VRK3: variants seen among roughly 807,000 people sequenced by gnomAD.
VRK3 encodes serine/threonine-protein kinase VRK3.
Under a neutral mutation model 60.4 loss-of-function variants are expected in VRK3, and 50 were observed. That is an observed-to-expected ratio of 0.83 (90% CI 0.66 to 1.05). The LOEUF (loss-of-function observed/expected upper bound fraction) is 1.05, where lower values mean the gene tolerates loss of function less well. Among genes scored for constraint, VRK3 ranks in the 50% least tolerant of loss-of-function variants. The pLI, the probability that VRK3 is intolerant of heterozygous loss-of-function variation, is 0.00. For missense variants in VRK3, 549 were observed against 585.3 expected, an observed-to-expected ratio of 0.94 and a Z score of 0.64; for synonymous variants, 246 against 227.8, an observed-to-expected ratio of 1.08 and a Z score of -0.72.
At chr19:49,996,313 T>TG (rs1442658533) in intron 7 of VRK3, among the ~76,000 whole-genome samples, 1 of 152,050 alleles carries the variant, frequency 6.6e-6, no homozygotes, top group African/African-American at 2.4e-5. Flanking sequence ...GGCCTCCGCC[T>TG]CCAAAAGTGT....
intron 2 of VRK3, chr19:50,019,189 A>C (rs1329380714): frequency 7.5e-6 from 1 of 133,536 alleles, no homozygotes; most frequent in African/African-American, 3.7e-5. Flanking sequence ...AAAAAAAAAG[A>C]AAAAAAATTA....
chr19:50,010,063 C>T (rs932164466), intron 3 of VRK3, among the ~76,000 whole-genome samples: 5 of 148,316 alleles, frequency 3.4e-5, no homozygotes, highest in African/African-American at 1.3e-4. Flanking sequence ...TATATATACA[C>T]ACACACACAC....
chr19:50,021,800 G>A (rs144512416), intron 1 of VRK3, among the ~76,000 whole-genome samples: 8 of 152,308 alleles, frequency 5.3e-5, no homozygotes, highest in South Asian at 4.1e-4. Context: ...CACTTAAGAC[G>A]GTTCTCATTT....
chr19:50,001,103 T>C (rs1033445409), intron 5 of VRK3: 20 of 425,778 alleles, frequency 4.7e-5, no homozygotes, highest in African/African-American at 2.3e-4. Context: ...CCTGGCAAGG[T>C]CTGGGACCCT....
chr19:49,992,070 T>C (rs935186260), intron 10 of VRK3, among the ~76,000 whole-genome samples: 11 of 152,186 alleles, frequency 7.2e-5, no homozygotes, highest in African/African-American at 2.7e-4. Flanking sequence ...TATGAATATA[T>C]AGGTAGGACA....
At chr19:49,990,346 T>C (rs1478931265) in intron 10 of VRK3, among the ~76,000 whole-genome samples, 1 of 152,264 alleles carries the variant, frequency 6.6e-6, no homozygotes, top group Non-Finnish European at 1.5e-5. Context: ...TTAAATGCTT[T>C]CTGCCTGATA....
chr19:50,006,957 C>T (rs1025706539), intron 5 of VRK3, among the ~76,000 whole-genome samples: 1 of 152,142 alleles, frequency 6.6e-6, no homozygotes, highest in Non-Finnish European at 1.5e-5. Flanking sequence ...TGTGCATCCA[C>T]GAGACTCAAA....
At position 49,976,728 on chromosome 19, in the gene VRK3, C is replaced by G. The variant is rs937967232; in HGVS notation, c.*68G>C. On this transcript the variant is annotated 3_prime_UTR_variant, in exon 15 of 15. Coordinates refer to ENST00000316763, the MANE Select transcript of VRK3 (RefSeq NM_016440.4). ...AGCTTATCTGTGATTAAACAGCAGG[C>G]CTTGAGTCACATTACTTCATTTTTT... 6.6e-6 allele frequency: 1 copy of G among 150,624 alleles called. No homozygotes were observed. Among genetic ancestry groups the G allele is most frequent in the Non-Finnish European group, 1.5e-5 (1 of 67,742 alleles). The allele number at this position is 150,624 out of a possible 1,614,324, so 9.3% of individuals were successfully genotyped here.
At chr19:50,015,387 C>T (rs529147878) in intron 3 of VRK3, among the ~76,000 whole-genome samples, 2 of 152,194 alleles carry the variant, frequency 1.3e-5, no homozygotes, top group East Asian at 1.9e-4. Context: ...CGGCTCACTG[C>T]GACCTCCGCC....
At chr19:49,980,544 CGT>C (rs763367595) in intron 13 of VRK3, among the ~76,000 whole-genome samples, 1 of 151,886 alleles carries the variant, frequency 6.6e-6, no homozygotes, top group Non-Finnish European at 1.5e-5. Flanking sequence ...GATGAAACCC[CGT>C]CTCTACTAAA....
chr19:49,997,595 A>C, intron 6 of VRK3, 25 bp from the exon 7 acceptor site: 1 of 1,613,312 alleles, frequency 6.2e-7, no homozygotes, highest in Non-Finnish European at 8.5e-7. Flanking sequence ...GAGGGGCAGA[A>C]GGCTGTCACA....
rs757701831 is a variant in VRK3 at position 50,007,749 on chromosome 19, G to A, written c.367C>T (p.Pro123Ser). 3 of 1,613,434 alleles carry A rather than the reference G, an allele frequency of 1.9e-6. No homozygotes were observed. The African/African-American group carries it at 4.0e-5, about 22-fold the overall frequency. The stretch of plus-strand genomic sequence containing the variant: ...TGAGGGCTACAGCTGGTCTTCTGAG[G>A]GCTACCCCTGGTCACCTGAGGGCTC... ...RKSPQVTRGS[P>S]QKTSCSPQKT... is the part of the protein sequence containing the mutation. The change falls in exon 5 of 15, where the codon CCT becomes TCT. Residue 123 changes from proline to serine, a missense_variant. Transcript: ENST00000316763.
chr19:49,984,270 T>C (rs1272324621), intron 12 of VRK3, among the ~76,000 whole-genome samples: 2 of 152,164 alleles, frequency 1.3e-5, no homozygotes, highest in African/African-American at 2.4e-5. Context: ...GCCACTGGCC[T>C]CAGGAACCTG....
At chr19:50,022,650 C>T (rs989067452) in intron 1 of VRK3, among the ~76,000 whole-genome samples, 3 of 151,956 alleles carry the variant, frequency 2.0e-5, no homozygotes, top group Non-Finnish European at 2.9e-5. Context: ...AAAAATCAGC[C>T]GGGCGTGGTG....
intron 13 of VRK3, among the ~76,000 whole-genome samples, chr19:49,979,847 T>C (rs938856899): frequency 3.3e-5 from 5 of 150,858 alleles, no homozygotes; most frequent in African/African-American, 1.2e-4. Flanking sequence ...ATCGAGACCA[T>C]CCTGGCTAAC....
intron 5 of VRK3, among the ~76,000 whole-genome samples, chr19:50,004,221 T>C (rs74346427): frequency 6.6e-6 from 1 of 152,070 alleles, no homozygotes; most frequent in African/African-American, 2.4e-5. Flanking sequence ...GCGTGGTTTC[T>C]TCTCTCAGGA....
chr19:49,989,644 C>A lies in VRK3; in HGVS notation c.1091G>T (p.Gly364Val). ...ACCCATCCCTGGCCTCGTACCGCATCCCTTGTGCAGGTCCATGCTAATGAA... is the reference window on the plus strand; with the variant it reads ...ACCCATCCCTGGCCTCGTACCGCATACCTTGTGCAGGTCCATGCTAATGAA... ...LEFISMDLHK[G>V]CGPSRRSDLQ... The change falls in exon 11 of 15, where the codon GGA becomes GTA. Residue 364 changes from glycine (G) to valine (V), a missense_variant. Transcript: ENST00000316763. 6.2e-7 allele frequency: 1 copy of A among 1,609,568 alleles called. No individual in the cohort carries two copies. The highest frequency in any genetic ancestry group is 1.1e-5 in the South Asian group (1 of 90,154).
At chr19:49,997,636 C>T (rs2076728819) in intron 6 of VRK3, 66 bp from the exon 7 acceptor site, 2 of 1,574,446 alleles carry the variant, frequency 1.3e-6, no homozygotes, top group East Asian at 2.3e-5. Flanking sequence ...CCCCAGTCCC[C>T]ACTGGCAATT....
chr19:49,985,349 C>T (rs73932236), intron 12 of VRK3, among the ~76,000 whole-genome samples: 7,976 of 152,190 alleles, frequency 0.052, 690 homozygotes, highest in African/African-American at 0.18. Flanking sequence ...TCTAGCAGGT[C>T]CTGAGGCTGG....
Sources: gnomAD v4.1 joint callset for allele counts (sites outside exome capture counted in the v4.1 genomes callset) on GRCh38, gnomAD v4.1.1 for gene constraint, MANE v1.5 for transcripts, NCBI Gene and HGNC (gene_info 2026-07-23, HGNC 2026-07-21) for gene names.